NLGN4X: variants seen among roughly 807,000 people sequenced by gnomAD.
NLGN4X encodes neuroligin-4, X-linked.
In NLGN4X, 3 loss-of-function variants were observed where a neutral mutation model predicts 40.3. That is an observed-to-expected ratio of 0.07 (90% CI 0.03 to 0.19). The LOEUF (loss-of-function observed/expected upper bound fraction) is 0.19, where lower values mean the gene tolerates loss of function less well. Among genes scored for constraint, NLGN4X ranks in the 10% least tolerant of loss-of-function variants. The pLI is 1.00. For missense variants in NLGN4X, 382 were observed against 708.3 expected, an observed-to-expected ratio of 0.54 and a Z score of 5.23; for synonymous variants, 270 against 306.8, an observed-to-expected ratio of 0.88 and a Z score of 1.25.
At chrX:6,179,919 C>G (rs1921244908) in intron 1 of NLGN4X, among the ~76,000 whole-genome samples, 1 of 111,752 alleles carries the variant, frequency 8.9e-6, no homozygotes, top group South Asian at 3.8e-4. Context: ...CTTACTCCTT[C>G]GTATCTTCTA....
chrX:5,941,703 G>A (rs1214773278), intron 3 of NLGN4X, among the ~76,000 whole-genome samples: 1 of 112,341 alleles, frequency 8.9e-6, no homozygotes, highest in African/African-American at 3.2e-5. Context: ...ACTGACTGCT[G>A]AAAACTGATG....
At chrX:6,000,582 GAAC>G (rs1232604229) in intron 3 of NLGN4X, among the ~76,000 whole-genome samples, 5 of 111,120 alleles carry the variant, frequency 4.5e-5, no homozygotes, top group African/African-American at 9.8e-5. Flanking sequence ...AAAAATCATG[GAAC>G]AACAACGCCA....
chrX:5,900,406 C>T (rs183127690), intron 5 of NLGN4X, among the ~76,000 whole-genome samples: 3 of 109,708 alleles, frequency 2.7e-5, no homozygotes, highest in African/African-American at 6.6e-5. Context: ...AAGACTGCAC[C>T]CAAACACCAG....
At chrX:5,900,943 T>C (rs531251266) in intron 5 of NLGN4X, among the ~76,000 whole-genome samples, 2 of 111,456 alleles carry the variant, frequency 1.8e-5, no homozygotes, top group South Asian at 3.8e-4. Flanking sequence ...CAAGGTTTAC[T>C]TTAAAAAAAG....
intron 2 of NLGN4X, among the ~76,000 whole-genome samples, chrX:6,042,541 TA>T (rs2037184861): frequency 9.5e-6 from 1 of 105,444 alleles, no homozygotes; most frequent in African/African-American, 3.4e-5. Context: ...TGTTTAAAAA[TA>T]GGTACTAAAT....
At chrX:6,062,474 G>C (rs978763944) in intron 2 of NLGN4X, among the ~76,000 whole-genome samples, 13 of 111,195 alleles carry the variant, frequency 1.2e-4, no homozygotes, top group Non-Finnish European at 2.1e-4. Flanking sequence ...TGTTCTCCCT[G>C]GTTCTCAGAA....
At position 5,994,182 on chromosome X, in the gene NLGN4X, T is replaced by C. The variant is rs750792391; in HGVS notation, c.625+35098A>G. 3.6e-5 allele frequency among the ~76,000 whole-genome samples: 4 copies of C among 112,049 alleles called. No homozygotes were observed. The East Asian group carries it at 1.1e-3, about 32-fold the overall frequency. On this transcript the variant is annotated intron_variant, in intron 3 of 5. Coordinates refer to ENST00000381095, the MANE Select transcript of NLGN4X (RefSeq NM_181332.3). ...AGAAATTGCAACAGACTGAACTGGA[T>C]GGTTAAGATCCTTGAGTGGCCAGAA...
At position 5,891,277 on chromosome X, in the gene NLGN4X, C is replaced by T. The variant is rs2031155756; in HGVS notation, c.*1540G>A. On this transcript the variant is annotated 3_prime_UTR_variant, in exon 6 of 6. Coordinates refer to ENST00000381095, the MANE Select transcript of NLGN4X (RefSeq NM_181332.3). ...ATCCTAATTTCCCAGAAAACCCATG[C>T]AAAGCAGTTTTAATATTCTATCCTT... The T allele has an allele frequency of 4.2e-6, 1 of 235,622 alleles. No individual in the cohort carries two copies. Among genetic ancestry groups the T allele is most frequent in the African/African-American group, 3.0e-5 (1 of 33,704 alleles). 19.4% of individuals were successfully genotyped at this position (235,622 alleles called of 1,213,427 possible). A position where few individuals can be genotyped will look rare whatever the true frequency, so the allele number is the denominator to read the frequency against.
intron 2 of NLGN4X, among the ~76,000 whole-genome samples, chrX:6,145,984 G>GTGCA (rs2040037285): frequency 9.1e-6 from 1 of 110,496 alleles, no homozygotes; most frequent in Non-Finnish European, 1.9e-5. Context: ...GTATGGTGGA[G>GTGCA]TGCACCTGTA....
intron 2 of NLGN4X, among the ~76,000 whole-genome samples, chrX:6,121,500 T>A (rs1042653823): frequency 2.7e-5 from 3 of 112,140 alleles, no homozygotes; most frequent in Non-Finnish European, 5.6e-5. Context: ...CTGTTGTGGG[T>A]CTGTTTGCCC....
At chrX:6,015,140 G>A (rs1254992557) in intron 3 of NLGN4X, among the ~76,000 whole-genome samples, 3 of 111,847 alleles carry the variant, frequency 2.7e-5, no homozygotes, top group Non-Finnish European at 5.6e-5. Flanking sequence ...TACGATACTT[G>A]TCTGTCGTTG....
intron 3 of NLGN4X, among the ~76,000 whole-genome samples, chrX:5,998,132 G>A (rs1473909872): frequency 3.6e-5 from 4 of 110,943 alleles, no homozygotes; most frequent in South Asian, 3.8e-4. Flanking sequence ...TCTTTAGGCC[G>A]GGCGCAGTGG....
At chrX:5,956,487 A>AG (rs2034497697) in intron 3 of NLGN4X, among the ~76,000 whole-genome samples, 1 of 111,837 alleles carries the variant, frequency 8.9e-6, no homozygotes, top group African/African-American at 3.2e-5. Context: ...GAGAAAAATC[A>AG]GTATTGCTGG....
intron 5 of NLGN4X, among the ~76,000 whole-genome samples, chrX:5,896,989 C>T (rs183056718): frequency 2.5e-3 from 281 of 111,331 alleles, no homozygotes; most frequent in African/African-American, 7.7e-3. Context: ...AATAGTTGAA[C>T]GTAAATTAAT....
intron 2 of NLGN4X, among the ~76,000 whole-genome samples, chrX:6,112,932 T>TAATGAA (rs1315487507): frequency 9.0e-6 from 1 of 110,899 alleles, no homozygotes; most frequent in Non-Finnish European, 1.9e-5. Context: ...TGATACAATG[T>TAATGAA]AATGAAAGTG....
chrX:5,995,762 T>C lies in NLGN4X; in HGVS notation c.625+33518A>G, dbSNP rs149846532. Among the ~76,000 whole-genome samples, 292 of 111,885 alleles carry C rather than the reference T, an allele frequency of 2.6e-3. 1 individual carries two copies. Among genetic ancestry groups the C allele is most frequent in the African/African-American group, 9.0e-3 (278 of 30,813 alleles). On this transcript the variant is annotated intron_variant, in intron 3 of 5. Transcript: ENST00000381095. ...ATAAGGGCAAGGGTCAGGCAGGGTTTAGAATGAAAATAAAAGTACCCTGTT... is the reference window on the plus strand; with the variant it reads ...ATAAGGGCAAGGGTCAGGCAGGGTTCAGAATGAAAATAAAAGTACCCTGTT...
intron 2 of NLGN4X, among the ~76,000 whole-genome samples, chrX:6,082,977 T>TTTG (rs1569227473): frequency 7.7e-4 from 66 of 85,639 alleles, no homozygotes; most frequent in African/African-American, 2.8e-3. Flanking sequence ...TTTTTTTTTT[T>TTTG]GAGACGGAGT....
intron 1 of NLGN4X, among the ~76,000 whole-genome samples, chrX:6,159,194 AT>A (rs2040334248): frequency 9.0e-6 from 1 of 111,646 alleles, no homozygotes; most frequent in African/African-American, 3.3e-5. Context: ...TTGTCCTGAA[AT>A]ATACAGCAAG....
intron 1 of NLGN4X, among the ~76,000 whole-genome samples, chrX:6,172,243 T>C (rs1225619132): frequency 1.8e-5 from 2 of 112,506 alleles, no homozygotes; most frequent in African/African-American, 6.5e-5. Context: ...CTTTTGTAGT[T>C]TGGAGTTTCA....
Sources: gnomAD v4.1 joint callset for allele counts (sites outside exome capture counted in the v4.1 genomes callset) on GRCh38, gnomAD v4.1.1 for gene constraint, MANE v1.5 for transcripts, NCBI Gene and HGNC (gene_info 2026-07-23, HGNC 2026-07-21) for gene names.